The following UBXN11 variants were observed in gnomAD, a reference collection of about 807,000 sequenced individuals.
The protein encoded by UBXN11 is UBX domain protein 11, also known as UBX domain-containing protein 11.
A neutral mutation model predicts 62.8 loss-of-function variants in UBXN11; 47 were observed. The observed-to-expected ratio is 0.75, with a 90% CI of 0.59 to 0.95. UBXN11 has a LOEUF of 0.95. Among genes scored for constraint, UBXN11 ranks in the 40% least tolerant of loss-of-function variants. The pLI is 0.00. For synonymous variants in UBXN11, 294 were observed against 267.0 expected, an observed-to-expected ratio of 1.10 and a Z score of -0.99; for missense variants, 638 against 661.7, an observed-to-expected ratio of 0.96 and a Z score of 0.39.
At chr1:26,308,421 A>C (rs563033582), upstream of UBXN11, among the ~76,000 whole-genome samples, 44 of 152,304 alleles carry the variant, frequency 2.9e-4, no homozygotes, top group African/African-American at 1.0e-3. Context: ...CTCTTCCTAG[A>C]AACTTTCACT....
At position 26,297,947 on chromosome 1, in the gene UBXN11, C is replaced by T. The variant is rs1213268093; in HGVS notation, c.300+15G>A. On this transcript the variant is annotated intron_variant, in intron 5 of 14. Coordinates refer to ENST00000374222, the MANE Select transcript of UBXN11 (RefSeq NM_001389556.1). ...CTCAGACCGGCCCCTGGCCCTCTCCCACCTGGAGCCCCACCTTGGACAGTA... is the reference window on the plus strand; with the variant it reads ...CTCAGACCGGCCCCTGGCCCTCTCCTACCTGGAGCCCCACCTTGGACAGTA... 2 of 1,612,328 alleles carry T rather than the reference C, an allele frequency of 1.2e-6. No individual in the cohort carries two copies. Among genetic ancestry groups the T allele is most frequent in the East Asian group, 2.2e-5 (1 of 44,856 alleles).
upstream of UBXN11, chr1:26,306,833 G>GGGGGGGGGGGGGGGGGGTT (rs1553165087): frequency 6.2e-5 from 2 of 32,154 alleles, no homozygotes; most frequent in Non-Finnish European, 1.2e-4. Flanking sequence ...GCGGGGTGGG[G>GGGGGGGGGGGGGGGGGGTT]GGGGGGGGTG....
intron 9 of UBXN11, 122 bp downstream of exon 9, chr1:26,285,701 T>C (rs2073114926): frequency 7.2e-7 from 1 of 1,396,134 alleles, no homozygotes; most frequent in Non-Finnish European, 9.6e-7. Context: ...CTGCAAGTCG[T>C]GTGTGGGCCT....
rs57889417 is a variant in UBXN11 at position 26,316,125 on chromosome 1, A to ATT, written c.-149+1920_-149+1921dup. On this transcript the variant is annotated intron_variant, in intron 1 of 14. Transcript: ENST00000374217. ...AGGTTTGTGCCACTATGCCCGGCTA[A>ATT]TTTTTTTTTTTTTTTTTTTTTTTTT... is the stretch of plus-strand genomic sequence containing the variant. 5.9e-3 allele frequency among the ~76,000 whole-genome samples: 537 copies of ATT among 91,456 alleles called. 23 individuals carry two copies. Among genetic ancestry groups the ATT allele is most frequent in the Non-Finnish European group, 7.6e-3 (358 of 47,220 alleles). The allele number at this position is 91,456 out of a possible 152,430, so 60.0% of individuals were successfully genotyped here.
chr1:26,290,015 G>A (rs2073222050), intron 8 of UBXN11, among the ~76,000 whole-genome samples: 1 of 152,236 alleles, frequency 6.6e-6, no homozygotes, highest in Non-Finnish European at 1.5e-5. Flanking sequence ...CCAGCCTGTG[G>A]ACTGGCAGGA....
In UBXN11 at chr1:26,285,958, C is replaced by G. The variant is rs1557680629; in HGVS notation, c.639G>C (p.Glu213Asp). 4 of 1,613,612 alleles carry G rather than the reference C, an allele frequency of 2.5e-6. No individual in the cohort carries two copies. The highest frequency in any genetic ancestry group is 3.4e-6 in the Non-Finnish European group (4 of 1,179,682). ...SLQDLSELVV[E>D]GDTQVTPVPG... Reference sequence around the variant, plus strand: ...GCACTGGTGTCACTTGGGTGTCACCCTCTACCACCAGCTCACTAAGATCCT... The same window carrying G: ...GCACTGGTGTCACTTGGGTGTCACCGTCTACCACCAGCTCACTAAGATCCT... The change falls in exon 9 of 15, where the codon GAG becomes GAC. Residue 213 changes from glutamate (E) to aspartate (D), a missense_variant. Coordinates refer to ENST00000374222, the MANE Select transcript of UBXN11 (RefSeq NM_001389556.1).
rs1312586883 is a variant in UBXN11 at position 26,282,285 on chromosome 1, A to AG, written c.*13dup. On this transcript the variant is annotated 3_prime_UTR_variant, in exon 15 of 15. Coordinates refer to ENST00000374222, the MANE Select transcript of UBXN11 (RefSeq NM_001389556.1). Reference sequence around the variant, plus strand: ...AAGAGCCTGGCGGAGCAGCGGGTTGAGGGGGCGGGTGCTTTATTGGGGGCT... The same window carrying AG: ...AAGAGCCTGGCGGAGCAGCGGGTTGAGGGGGGCGGGTGCTTTATTGGGGGCT... The AG allele has an allele frequency of 1.4e-6, 2 of 1,471,508 alleles. No homozygotes were observed. Among genetic ancestry groups the AG allele is most frequent in the Non-Finnish European group, 1.8e-6 (2 of 1,119,742 alleles). The allele number at this position is 1,471,508 out of a possible 1,614,324, so 91.2% of individuals were successfully genotyped here.
chr1:26,317,906 C>T, intron 1 of UBXN11: 2 of 910,026 alleles, frequency 2.2e-6, no homozygotes, highest in East Asian at 2.4e-5. Flanking sequence ...CCTACCTCAC[C>T]CCGCCTCCTC....
chr1:26,302,085 G>A (rs2124668895), intron 2 of UBXN11, among the ~76,000 whole-genome samples: 1 of 152,310 alleles, frequency 6.6e-6, no homozygotes, highest in South Asian at 2.1e-4. Context: ...ATGACTCAAA[G>A]TGGGGCCAGG....
At chr1:26,314,072 G>T (rs142252553) in intron 1 of UBXN11, among the ~76,000 whole-genome samples, 159 of 152,164 alleles carry the variant, frequency 1.0e-3, no homozygotes, top group African/African-American at 3.4e-3. Context: ...TAGCCACCGC[G>T]CCCGGCCGGT....
intron 7 of UBXN11, among the ~76,000 whole-genome samples, chr1:26,295,976 C>T (rs2073382445): frequency 6.6e-6 from 1 of 152,270 alleles, no homozygotes; most frequent in Non-Finnish European, 1.5e-5. Flanking sequence ...GTGGCCACTG[C>T]TCGGGGACAA....
rs1032916860 is a variant in UBXN11, at chr1:26,301,727, G to A, written c.72-5C>T. 6.8e-6 allele frequency: 11 copies of A among 1,613,996 alleles called. No homozygotes were observed. The South Asian group carries it at 1.1e-4, about 16-fold the overall frequency. ...TAGATGCGGATTCCTCGCCTCCTGG[G>A]AACCCAGGCAGGAAGAAGGAAGAAA... On this transcript the variant is annotated splice_polypyrimidine_tract_variant and splice_region_variant and intron_variant, in intron 2 of 14. Transcript: ENST00000374222.
At position 26,282,481 on chromosome 1, in the gene UBXN11, G is replaced by A. The variant is rs2073021254; in HGVS notation, c.1381C>T (p.Leu461Phe). 2 of 1,608,396 alleles carry A rather than the reference G, an allele frequency of 1.2e-6. No homozygotes were observed. Among genetic ancestry groups the A allele is most frequent in the Non-Finnish European group, 1.7e-6 (2 of 1,177,566 alleles). The change falls in exon 15 of 15, where the codon CTT becomes TTT. Residue 461 changes from leucine to phenylalanine, a missense_variant. Leu to Phe is a conservative substitution (Grantham distance 22, BLOSUM62 0). Coordinates refer to ENST00000374222, the MANE Select transcript of UBXN11 (RefSeq NM_001389556.1). ...AGCAGCAGTGCTGCTTTGGGCACAA[G>A]GCCTGCAGCCTGCAGCGTGAGTGTA... ...DDTLTLQAAG[L>F]VPKAALLLRA...
intron 10 of UBXN11, 54 bp downstream of exon 10, chr1:26,285,410 A>C: frequency 1.1e-5 from 18 of 1,585,898 alleles, no homozygotes; most frequent in Non-Finnish European, 1.5e-5. Context: ...GAGGCTGTGT[A>C]TCCCCACTCC....
At chr1:26,314,914 C>G (rs1041678928) in intron 1 of UBXN11, among the ~76,000 whole-genome samples, 2 of 152,004 alleles carry the variant, frequency 1.3e-5, no homozygotes, top group African/African-American at 2.4e-5. Context: ...AAAACTCCAC[C>G]CTCCACCACC....
chr1:26,305,066 T>G (rs1172234800), intron 1 of UBXN11, among the ~76,000 whole-genome samples: 2 of 152,196 alleles, frequency 1.3e-5, no homozygotes, highest in East Asian at 3.8e-4. Flanking sequence ...TACAGAAAGA[T>G]CCTTTGTATC....
At chr1:26,317,064 G>A (rs1420357195) in intron 1 of UBXN11, among the ~76,000 whole-genome samples, 4 of 40,218 alleles carry the variant, frequency 9.9e-5, no homozygotes, top group South Asian at 3.9e-4. Flanking sequence ...CCCAGTCTCC[G>A]CTAAAAAAAA....
intron 4 of UBXN11, among the ~76,000 whole-genome samples, chr1:26,299,563 G>A (rs2073479036): frequency 6.6e-6 from 1 of 151,344 alleles, no homozygotes; most frequent in Non-Finnish European, 1.5e-5. Context: ...AGGTGGTGAT[G>A]ACAGCTAAGA....
rs147790713 is a variant in UBXN11 at position 26,300,770 on chromosome 1, T to A, written c.199+156A>T. ...TAAGGGTGGGGCTTGTGTGGCTTTA[T>A]GCCAAGCCAGGTCCCTGCCACAATC... is the stretch of plus-strand genomic sequence containing the variant. On this transcript the variant is annotated intron_variant, in intron 4 of 14. Coordinates refer to ENST00000374222, the MANE Select transcript of UBXN11 (RefSeq NM_001389556.1). 6.2e-3 allele frequency among the ~76,000 whole-genome samples: 943 copies of A among 152,326 alleles called. 9 individuals carry two copies. The highest frequency in any genetic ancestry group is 0.02 in the African/African-American group (832 of 41,576).
Sources: gnomAD v4.1 joint callset for allele counts (sites outside exome capture counted in the v4.1 genomes callset) on GRCh38, gnomAD v4.1.1 for gene constraint, MANE v1.5 for transcripts, NCBI Gene and HGNC (gene_info 2026-07-23, HGNC 2026-07-21) for gene names.